The following ABLIM1 variants were observed in gnomAD, a reference collection of about 807,000 sequenced individuals.
ABLIM1 encodes actin binding LIM protein 1, also known as actin-binding LIM protein 1.
Under a neutral mutation model 107.0 loss-of-function variants are expected in ABLIM1, and 40 were observed. The observed-to-expected ratio is 0.37, with a 90% CI of 0.29 to 0.49. The LOEUF is 0.49. ABLIM1 is among the 20% of genes least tolerant of loss of function. The pLI is 0.97. For missense variants in ABLIM1, 857 were observed against 1,008.5 expected, an observed-to-expected ratio of 0.85 and a Z score of 2.04; for synonymous variants, 357 against 357.3, an observed-to-expected ratio of 1.00 and a Z score of 0.01.
intron 1 of ABLIM1, among the ~76,000 whole-genome samples, chr10:114,606,236 ATTTTATT>A (rs2076400066): frequency 2.0e-5 from 3 of 151,886 alleles, no homozygotes; most frequent in African/African-American, 4.8e-5. Context: ...CCAATTTTTT[ATTTTATT>A]TTTTATTTTT....
At chr10:114,633,333 A>G (rs998009840) in intron 1 of ABLIM1, among the ~76,000 whole-genome samples, 1 of 152,046 alleles carries the variant, frequency 6.6e-6, no homozygotes, top group African/African-American at 2.4e-5. Context: ...AAAAATGCCC[A>G]TTTCTTCACA....
At chr10:114,770,370 C>T (rs1275797462), upstream of ABLIM1, among the ~76,000 whole-genome samples, 1 of 152,194 alleles carries the variant, frequency 6.6e-6, no homozygotes, top group Non-Finnish European at 1.5e-5. Context: ...ATAATCTGTG[C>T]TTTCCTACCT....
At chr10:114,443,028 C>T (rs1395616364) in intron 17 of ABLIM1, among the ~76,000 whole-genome samples, 4 of 151,616 alleles carry the variant, frequency 2.6e-5, no homozygotes, top group African/African-American at 7.3e-5. Flanking sequence ...TTAGTAGAGA[C>T]GGGGTTTCAC....
chr10:114,726,875 C>T (rs1566278285), intron 1 of ABLIM1, among the ~76,000 whole-genome samples: 1 of 152,086 alleles, frequency 6.6e-6, no homozygotes, highest in Non-Finnish European at 1.5e-5. Context: ...CCCACCAGGC[C>T]CCACCTCCAA....
chr10:114,752,120 AG>A (rs2082527805), intron 1 of ABLIM1, among the ~76,000 whole-genome samples: 1 of 152,180 alleles, frequency 6.6e-6, no homozygotes, highest in African/African-American at 2.4e-5. Flanking sequence ...AGTAAAATTG[AG>A]TCATCTGATC....
intron 6 of ABLIM1, among the ~76,000 whole-genome samples, chr10:114,540,467 A>C (rs2066520953): frequency 6.6e-6 from 1 of 152,076 alleles, no homozygotes; most frequent in African/African-American, 2.4e-5. Flanking sequence ...CCGTCTCCCC[A>C]CCCGTTCAAG....
intron 6 of ABLIM1, among the ~76,000 whole-genome samples, chr10:114,493,037 C>T (rs752887364): frequency 1.5e-4 from 23 of 152,298 alleles, no homozygotes; most frequent in Non-Finnish European, 2.5e-4. Flanking sequence ...CTCTTGTCCT[C>T]GTCCACATGC....
intron 6 of ABLIM1, among the ~76,000 whole-genome samples, chr10:114,508,874 G>C (rs1408483917): frequency 6.6e-6 from 1 of 152,160 alleles, no homozygotes; most frequent in Non-Finnish European, 1.5e-5. Context: ...TTAATTGAAA[G>C]TTCTACAAAC....
At chr10:114,698,352 C>A in intron 1 of ABLIM1, among the ~76,000 whole-genome samples, 1 of 137,680 alleles carries the variant, frequency 7.3e-6, no homozygotes, top group African/African-American at 2.7e-5. Context: ...GGCTAGAAAA[C>A]AAAATGTCAA....
chr10:114,506,226 T>C (rs905832172), intron 6 of ABLIM1, among the ~76,000 whole-genome samples: 2 of 152,222 alleles, frequency 1.3e-5, no homozygotes, highest in Admixed American at 1.3e-4. Context: ...TATTCCATGG[T>C]GTATAGATAC....
At position 114,444,038 on chromosome 10, in the gene ABLIM1, T is replaced by G; in HGVS notation, c.1924A>C (p.Ile642Leu). 6.2e-7 allele frequency: 1 copy of G among 1,605,470 alleles called. No homozygotes were observed. The highest frequency in any genetic ancestry group is 1.7e-4 in the Middle Eastern group (1 of 6,006). ...SLLASRYDSPINSASHIPSSK... is the reference protein window; with the variant it reads ...SLLASRYDSPLNSASHIPSSK... Reference sequence around the variant, plus strand: ...GGGGTTTGCTGCTTACCTGAGTTGATGGGAGAATCGTAGCGACTGGCTAAC... The same window carrying G: ...GGGGTTTGCTGCTTACCTGAGTTGAGGGGAGAATCGTAGCGACTGGCTAAC... The change falls in exon 17 of 23, where the codon ATC (isoleucine) becomes CTC (leucine). Residue 642 changes from isoleucine (I) to leucine (L), a missense_variant. Around this residue, in one of 5 missense-constraint regions of ABLIM1, gnomAD observed 193 missense variants for 208.5 expected, o/e 0.93. Transcript: ENST00000533213.
At chr10:114,514,255 G>A (rs566965930) in intron 6 of ABLIM1, among the ~76,000 whole-genome samples, 3 of 150,076 alleles carry the variant, frequency 2.0e-5, no homozygotes, top group Admixed American at 1.3e-4. Flanking sequence ...AGCCAAGATC[G>A]CACCACTGCA....
chr10:114,474,548 T>C (rs1002210292), intron 8 of ABLIM1, among the ~76,000 whole-genome samples: 1 of 151,912 alleles, frequency 6.6e-6, no homozygotes, highest in Non-Finnish European at 1.5e-5. Flanking sequence ...GCCCGGCTAA[T>C]TTTTTGTATT....
chr10:114,711,987 G>A (rs2081559051), intron 1 of ABLIM1, among the ~76,000 whole-genome samples: 1 of 152,102 alleles, frequency 6.6e-6, no homozygotes, highest in South Asian at 2.1e-4. Context: ...GGAATCGGAG[G>A]AGCATGTGGA....
chr10:114,776,612 CA>C, the ABLIM1 span, among the ~76,000 whole-genome samples: 16 of 148,560 alleles, frequency 1.1e-4, no homozygotes, highest in East Asian at 1.4e-3. Context: ...GACTTAGTCT[CA>C]AAAAAAAAAT....
At chr10:114,625,646 G>T (rs539863784) in intron 1 of ABLIM1, among the ~76,000 whole-genome samples, 3 of 152,164 alleles carry the variant, frequency 2.0e-5, no homozygotes, top group Non-Finnish European at 4.4e-5. Context: ...ACATAAAAGG[G>T]GGGGGTACAG....
chr10:114,782,874 G>A, the ABLIM1 span, among the ~76,000 whole-genome samples: 5 of 152,210 alleles, frequency 3.3e-5, no homozygotes, highest in Admixed American at 2.0e-4. Context: ...TTAGACATGA[G>A]GCTGAGGAAT....
intron 1 of ABLIM1, among the ~76,000 whole-genome samples, chr10:114,701,856 T>C (rs1179784418): frequency 6.6e-6 from 1 of 152,188 alleles, no homozygotes; most frequent in East Asian, 1.9e-4. Flanking sequence ...AAAACTTCTA[T>C]AGCCAAGATT....
intron 2 of ABLIM1, among the ~76,000 whole-genome samples, chr10:114,579,895 G>A (rs188340971): frequency 6.6e-6 from 1 of 152,232 alleles, no homozygotes; most frequent in Admixed American, 6.5e-5. Flanking sequence ...AAGGTAAAGG[G>A]AAGAAGGCAT....
Sources: allele counts gnomAD v4.1 joint callset (sites outside exome capture counted in the v4.1 genomes callset), GRCh38; gene constraint gnomAD v4.1.1; regional missense constraint gnomAD v4.1.1; transcripts MANE v1.5; gene names NCBI Gene and HGNC (gene_info 2026-07-23, HGNC 2026-07-21).